The following LARP1B variants were observed in gnomAD, a reference collection of about 807,000 sequenced individuals.
LARP1B encodes the protein La ribonucleoprotein 1B, also known as la-related protein 1B.
Under a neutral mutation model 114.2 loss-of-function variants are expected in LARP1B, and 76 were observed. The observed-to-expected ratio is 0.67, with a 90% CI of 0.55 to 0.81. LARP1B has a LOEUF of 0.81. Among genes scored for constraint, LARP1B ranks in the 30% least tolerant of loss-of-function variants. The probability of loss-of-function intolerance (pLI) is 0.00; values close to 1 mark genes in which losing one functional copy is unlikely to be tolerated. For synonymous variants in LARP1B, 345 were observed against 348.0 expected, an observed-to-expected ratio of 0.99 and a Z score of 0.10; for missense variants, 1,014 against 1,075.8, an observed-to-expected ratio of 0.94 and a Z score of 0.80.
At chr4:128,079,885 C>T (rs142435242) in intron 4 of LARP1B, among the ~76,000 whole-genome samples, 367 of 151,878 alleles carry the variant, frequency 2.4e-3, no homozygotes, top group African/African-American at 7.9e-3. Context: ...TTAACTACTT[C>T]GTCACTTAAC....
intron 15 of LARP1B, among the ~76,000 whole-genome samples, chr4:128,182,224 C>T (rs1405506586): frequency 6.6e-6 from 1 of 151,574 alleles, no homozygotes; most frequent in African/African-American, 2.4e-5. Flanking sequence ...AGTGATCCTC[C>T]CACTTCAGCC....
intron 18 of LARP1B, 75 bp downstream of exon 18, chr4:128,206,612 G>A (rs1757661359): frequency 6.6e-7 from 1 of 1,510,720 alleles, no homozygotes; most frequent in South Asian, 1.4e-5. Context: ...TAGGGAAGGA[G>A]TTCATAGTTT....
downstream of LARP1B, among the ~76,000 whole-genome samples, chr4:128,216,860 G>A (rs1349864349): frequency 1.5e-4 from 23 of 152,148 alleles, no homozygotes; most frequent in Non-Finnish European, 3.1e-4. Flanking sequence ...CCAGGAGCTG[G>A]TTTTTTGAAA....
intron 15 of LARP1B, among the ~76,000 whole-genome samples, chr4:128,185,532 T>C (rs2150734483): frequency 1.0e-5 from 1 of 96,754 alleles, no homozygotes; most frequent in East Asian, 2.6e-4. Flanking sequence ...ATTATTTGTA[T>C]TGTTTTTTTT....
intron 11 of LARP1B, among the ~76,000 whole-genome samples, chr4:128,140,446 CAAG>C (rs1331342948): frequency 6.6e-6 from 1 of 152,006 alleles, no homozygotes; most frequent in East Asian, 1.9e-4. Flanking sequence ...CCACAAAACT[CAAG>C]AACAGATCAA....
intron 11 of LARP1B, among the ~76,000 whole-genome samples, chr4:128,139,169 A>G (rs11732074): frequency 0.59 from 89,946 of 151,972 alleles, 27,737 homozygotes; most frequent in Middle Eastern, 0.8. Flanking sequence ...AAAGAAAAAT[A>G]TTTGAGGTGA....
At chr4:128,134,994 C>A (rs1219046730) in intron 11 of LARP1B, among the ~76,000 whole-genome samples, 1 of 151,958 alleles carries the variant, frequency 6.6e-6, no homozygotes, top group East Asian at 1.9e-4. Flanking sequence ...CCCAGCCATT[C>A]AGGAGGCTGA....
chr4:128,063,159 G>A lies in LARP1B; in HGVS notation c.-78+1758G>A, dbSNP rs535347703. Among the ~76,000 whole-genome samples, 12 of 152,258 alleles carry A rather than the reference G, an allele frequency of 7.9e-5. No individual in the cohort carries two copies. The South Asian group carries it at 2.5e-3, about 32-fold the overall frequency. On this transcript the variant is annotated intron_variant, in intron 1 of 19. Coordinates refer to ENST00000326639, the MANE Select transcript of LARP1B (RefSeq NM_018078.4). ...AAAGTAAAAATGGGCCGGCGCGGTGGCTCACGCCTGTAATCCCAGCACTTT... is the reference window on the plus strand; with the variant it reads ...AAAGTAAAAATGGGCCGGCGCGGTGACTCACGCCTGTAATCCCAGCACTTT...
intron 11 of LARP1B, among the ~76,000 whole-genome samples, chr4:128,129,298 T>TGAGCC (rs1561338446): frequency 7.6e-6 from 1 of 132,374 alleles, no homozygotes; most frequent in African/African-American, 2.9e-5. Flanking sequence ...GAGGGTGCAG[T>TGAGCC]GAGCCGAGGT....
At position 128,097,798 on chromosome 4, in the gene LARP1B, G is replaced by A. The variant is rs544610082; in HGVS notation, c.669-388G>A. ...GGTGGAAGGCATTATGCTAACATGG[G>A]ATTAGCTTTGTTATCTAATGCTTAA... On this transcript the variant is annotated intron_variant, in intron 7 of 19. Coordinates refer to ENST00000326639, the MANE Select transcript of LARP1B (RefSeq NM_018078.4). Among the ~76,000 whole-genome samples the A allele has an allele frequency of 3.2e-4, 48 of 152,158 alleles. 1 individual carries two copies. The highest frequency in any genetic ancestry group is 3.4e-3 in the Middle Eastern group (1 of 292).
At chr4:128,072,805 C>A (rs1765898056) in intron 1 of LARP1B, among the ~76,000 whole-genome samples, 1 of 152,134 alleles carries the variant, frequency 6.6e-6, no homozygotes, top group Admixed American at 6.6e-5. Flanking sequence ...GATCTGCCTG[C>A]CTTGGCCTCC....
chr4:128,166,165 C>T (rs1010617453), intron 12 of LARP1B, among the ~76,000 whole-genome samples: 1 of 152,012 alleles, frequency 6.6e-6, no homozygotes, highest in African/African-American at 2.4e-5. Context: ...AAGGACTCTT[C>T]CTCCTAGACT....
intron 12 of LARP1B, 23 bp downstream of exon 12, chr4:128,162,340 A>C (rs773135091): frequency 1.1e-5 from 18 of 1,606,174 alleles, no homozygotes; most frequent in Non-Finnish European, 1.4e-5. Flanking sequence ...GCTTTTGTGT[A>C]AGTGTCTGAA....
chr4:128,153,401 C>T (rs972993810), intron 11 of LARP1B, among the ~76,000 whole-genome samples: 1 of 151,876 alleles, frequency 6.6e-6, no homozygotes, highest in Non-Finnish European at 1.5e-5. Flanking sequence ...ACTGCAACTT[C>T]CGCCTCCCGG....
At chr4:128,112,715 C>T (rs1029961502) in intron 9 of LARP1B, among the ~76,000 whole-genome samples, 1 of 151,838 alleles carries the variant, frequency 6.6e-6, no homozygotes, top group Non-Finnish European at 1.5e-5. Context: ...CTTAGGTGAT[C>T]CGCCCACCTC....
chr4:128,170,627 A>T (rs947475146), intron 12 of LARP1B, among the ~76,000 whole-genome samples: 2 of 152,194 alleles, frequency 1.3e-5, no homozygotes. Context: ...TGATTTTAAT[A>T]TAGCCATTCC....
chr4:128,061,766 T>C, intron 1 of LARP1B: 5 of 984,150 alleles, frequency 5.1e-6, no homozygotes, highest in Non-Finnish European at 6.0e-6. Context: ...TGAGAGGGAG[T>C]CGCTGTTGGC....
chr4:128,092,669 C>A, intron 7 of LARP1B: 1 of 573,724 alleles, frequency 1.7e-6, no homozygotes, highest in South Asian at 7.7e-5. Context: ...TAGAAAATTT[C>A]TTTATCATCA....
Position 128,090,998 on chromosome 4 carries a change from A to C in LARP1B, c.359-3A>C, listed in dbSNP as rs560614446. 1.3e-6 allele frequency: 2 copies of C among 1,583,318 alleles called. No homozygotes were observed. Among genetic ancestry groups the C allele is most frequent in the Non-Finnish European group, 1.7e-6 (2 of 1,163,768 alleles). On this transcript the variant is annotated splice_region_variant and splice_polypyrimidine_tract_variant and intron_variant, in intron 5 of 19. Transcript: ENST00000326639. Reference sequence around the variant, plus strand: ...TATATAAAAATATTTTTATTTTTAAAAGGTTGGAAGCGAGATAGAGAAAAA... The same window carrying C: ...TATATAAAAATATTTTTATTTTTAACAGGTTGGAAGCGAGATAGAGAAAAA...
Sources: allele counts gnomAD v4.1 joint callset (sites outside exome capture counted in the v4.1 genomes callset), GRCh38; gene constraint gnomAD v4.1.1; transcripts MANE v1.5; gene names NCBI Gene and HGNC (gene_info 2026-07-23, HGNC 2026-07-21).